The following ACVR1 variants were observed in gnomAD, a reference collection of about 807,000 sequenced individuals.
The protein encoded by ACVR1 is activin receptor type-1.
A neutral mutation model predicts 57.1 loss-of-function variants in ACVR1; 38 were observed. The observed-to-expected ratio is 0.67, with a 90% CI of 0.51 to 0.87. The LOEUF (loss-of-function observed/expected upper bound fraction) is 0.87. Ranked by LOEUF, ACVR1 falls within the 40% of genes least tolerant of loss-of-function variation. The pLI, the probability that ACVR1 is intolerant of heterozygous loss-of-function variation, is 0.00. For synonymous variants in ACVR1, 212 were observed against 228.1 expected, an observed-to-expected ratio of 0.93 and a Z score of 0.63; for missense variants, 463 against 638.2, an observed-to-expected ratio of 0.73 and a Z score of 2.96.
At chr2:157,764,620 C>T (rs1205588051) in intron 8 of ACVR1, among the ~76,000 whole-genome samples, 2 of 152,284 alleles carry the variant, frequency 1.3e-5, no homozygotes, top group South Asian at 2.1e-4. Flanking sequence ...CCCTCACTGT[C>T]CCTGTCTCAC....
chr2:157,795,933 T>C (rs976912235), intron 3 of ACVR1, among the ~76,000 whole-genome samples: 3 of 152,042 alleles, frequency 2.0e-5, no homozygotes, highest in African/African-American at 4.8e-5. Flanking sequence ...AACTGCCCCA[T>C]ACCACAGAGG....
At chr2:157,789,374 C>T (rs919274150) in intron 3 of ACVR1, among the ~76,000 whole-genome samples, 36 of 152,324 alleles carry the variant, frequency 2.4e-4, no homozygotes, top group Non-Finnish European at 1.0e-4. Context: ...AGATGTGTCA[C>T]GAGGCCACTG....
chr2:157,783,989 T>C (rs900665119), intron 3 of ACVR1, among the ~76,000 whole-genome samples: 1 of 151,866 alleles, frequency 6.6e-6, no homozygotes, highest in African/African-American at 2.4e-5. Context: ...CAGAGTGGAG[T>C]AGATGGAAGT....
intron 1 of ACVR1, among the ~76,000 whole-genome samples, chr2:157,871,814 G>A (rs1690122331): frequency 6.6e-6 from 1 of 152,200 alleles, no homozygotes; most frequent in Non-Finnish European, 1.5e-5. Flanking sequence ...ACTCAGAAAA[G>A]GAAGCTGCCG....
At chr2:157,755,842 A>T (rs1685405866) in intron 9 of ACVR1, among the ~76,000 whole-genome samples, 1 of 152,122 alleles carries the variant, frequency 6.6e-6, no homozygotes, top group African/African-American at 2.4e-5. Flanking sequence ...ACCAAAAAAG[A>T]GCCTGCATAG....
intron 2 of ACVR1, among the ~76,000 whole-genome samples, chr2:157,816,760 T>C (rs942804266): frequency 6.6e-5 from 10 of 152,042 alleles, no homozygotes; most frequent in African/African-American, 2.4e-4. Context: ...TAATCCCCAA[T>C]CCCTTGCTTC....
intron 5 of ACVR1, 33 bp downstream of exon 5, chr2:157,778,098 A>T: frequency 7.5e-6 from 12 of 1,609,102 alleles, no homozygotes; most frequent in Non-Finnish European, 1.0e-5. Context: ...CACCTTCCTT[A>T]TGCTTGGGAT....
chr2:157,741,632 AAAAAAAAAAAGAAAAAAG>A (rs1307076363), intron 9 of ACVR1, among the ~76,000 whole-genome samples: 1 of 144,280 alleles, frequency 6.9e-6, no homozygotes, highest in African/African-American at 2.7e-5. Flanking sequence ...TCCAAAAAGA[AAAAAAAAAAAGAAAAAAG>A]AAAAGAAAAA....
chr2:157,812,282 G>A (rs557355673), intron 2 of ACVR1, among the ~76,000 whole-genome samples: 2 of 152,236 alleles, frequency 1.3e-5, no homozygotes, highest in East Asian at 3.9e-4. Context: ...AGGTCAAATG[G>A]CCAGGTTCTT....
At chr2:157,787,978 C>T (rs1266075698) in intron 3 of ACVR1, among the ~76,000 whole-genome samples, 4 of 152,208 alleles carry the variant, frequency 2.6e-5, no homozygotes, top group African/African-American at 9.7e-5. Context: ...CGAGCCTCCA[C>T]CACACCCCTA....
intron 1 of ACVR1, among the ~76,000 whole-genome samples, chr2:157,867,659 T>G (rs571861593): frequency 4.9e-5 from 7 of 143,090 alleles, no homozygotes; most frequent in Non-Finnish European, 9.1e-5. Flanking sequence ...TGTCCCCCAT[T>G]TTTACATGTT....
intron 1 of ACVR1, among the ~76,000 whole-genome samples, chr2:157,865,485 T>A (rs913407313): frequency 6.6e-6 from 1 of 152,114 alleles, no homozygotes; most frequent in African/African-American, 2.4e-5. Context: ...GATAGATGAT[T>A]GATAGATAGA....
At chr2:157,750,024 AG>A (rs1323259540) in intron 9 of ACVR1, among the ~76,000 whole-genome samples, 1 of 152,148 alleles carries the variant, frequency 6.6e-6, no homozygotes, top group African/African-American at 2.4e-5. Flanking sequence ...ATTGAGGATG[AG>A]CCCGCCCAGC....
In ACVR1 at chr2:157,778,191, G is replaced by C; in HGVS notation, c.483C>G (p.Asp161Glu). The change falls in exon 5 of 11, where the codon GAC becomes GAG. Residue 161 changes from aspartate (D) to glutamate (E), a missense_variant. Transcript: ENST00000434821. ...RRNQERLNPR[D>E]VEYGTIEGLI... ...GCCCTTCGATAGTGCCATACTCCACGTCTCGGGGATTGAGGCGTTCTTGGT... is the reference window on the plus strand; with the variant it reads ...GCCCTTCGATAGTGCCATACTCCACCTCTCGGGGATTGAGGCGTTCTTGGT... The C allele has an allele frequency of 6.2e-7, 1 of 1,613,968 alleles. No homozygotes were observed. The highest frequency in any genetic ancestry group is 8.5e-7 in the Non-Finnish European group (1 of 1,179,976).
chr2:157,836,156 G>C (rs900699588), intron 1 of ACVR1, among the ~76,000 whole-genome samples: 4 of 152,226 alleles, frequency 2.6e-5, no homozygotes, highest in African/African-American at 9.6e-5. Context: ...ATGGGGAGTC[G>C]TATTTCCTCA....
At chr2:157,773,666 T>C (rs978268579) in intron 6 of ACVR1, among the ~76,000 whole-genome samples, 36 of 152,204 alleles carry the variant, frequency 2.4e-4, no homozygotes, top group African/African-American at 8.4e-4. Flanking sequence ...ATTGGTTTCA[T>C]TAATTATGTT....
chr2:157,738,725 C>T lies in ACVR1; in HGVS notation c.1265-155G>A, dbSNP rs550625882. Among the ~76,000 whole-genome samples, 8 of 152,274 alleles carry T rather than the reference C, an allele frequency of 5.3e-5. No homozygotes were observed. The South Asian group carries it at 1.7e-3, about 32-fold the overall frequency. ...CAGTCCTGGAAGCTAGAGGTAGGTC[C>T]TAAAACAGGTGGGAGAAAAAGGCAA... On this transcript the variant is annotated intron_variant, in intron 9 of 10. Coordinates refer to ENST00000434821, the MANE Select transcript of ACVR1 (RefSeq NM_001111067.4).
intron 1 of ACVR1, among the ~76,000 whole-genome samples, chr2:157,865,453 A>G (rs774638048): frequency 5.9e-5 from 9 of 152,204 alleles, no homozygotes; most frequent in Non-Finnish European, 1.0e-4. Context: ...AATCCTTGGT[A>G]TTTATCTCCA....
chr2:157,750,356 G>A (rs1378492179), intron 9 of ACVR1, among the ~76,000 whole-genome samples: 1 of 152,224 alleles, frequency 6.6e-6, no homozygotes, highest in Non-Finnish European at 1.5e-5. Context: ...CCATCCAGGA[G>A]CAGAGGACCA....
Sources: allele counts gnomAD v4.1 joint callset (sites outside exome capture counted in the v4.1 genomes callset), GRCh38; gene constraint gnomAD v4.1.1; transcripts MANE v1.5; gene names NCBI Gene and HGNC (gene_info 2026-07-23, HGNC 2026-07-21).